The following PPA2 variants were observed in gnomAD, a reference collection of about 807,000 sequenced individuals.
PPA2 encodes inorganic pyrophosphatase 2.
A neutral mutation model predicts 49.5 loss-of-function variants in PPA2; 48 were observed. That is an observed-to-expected ratio of 0.97 (90% CI 0.77 to 1.23). The LOEUF (loss-of-function observed/expected upper bound fraction) is 1.23. PPA2 is among the 50% of genes most tolerant of loss of function. The pLI, the probability that PPA2 is intolerant of heterozygous loss-of-function variation, is 0.00. For missense variants in PPA2, 429 were observed against 410.1 expected (o/e 1.05, Z -0.40); for synonymous variants, 131 against 139.9 (o/e 0.94, Z 0.45).
chr4:105,450,173 C>G (rs1017305147), intron 3 of PPA2, among the ~76,000 whole-genome samples: 10 of 152,232 alleles, frequency 6.6e-5, no homozygotes, highest in African/African-American at 1.7e-4. Context: ...GATTTGCACA[C>G]ATTTTGACAT....
intron 7 of PPA2, among the ~76,000 whole-genome samples, chr4:105,417,323 C>A (rs961294608): frequency 6.6e-6 from 1 of 150,722 alleles, no homozygotes; most frequent in Admixed American, 6.6e-5. Context: ...TAACAGAAGA[C>A]AACAAGCTAA....
chr4:105,394,093 G>C (rs1734034127), intron 9 of PPA2, among the ~76,000 whole-genome samples: 1 of 152,124 alleles, frequency 6.6e-6, no homozygotes, highest in African/African-American at 2.4e-5. Context: ...TAGGCCAGGT[G>C]TGGTGGCTCA....
intron 6 of PPA2, among the ~76,000 whole-genome samples, chr4:105,427,697 T>C (rs990857016): frequency 6.6e-6 from 1 of 152,094 alleles, no homozygotes; most frequent in Non-Finnish European, 1.5e-5. Flanking sequence ...TATAGGACTA[T>C]GTGAAAAGAC....
chr4:105,394,193 TC>T (rs1734038561), intron 9 of PPA2, among the ~76,000 whole-genome samples: 1 of 151,526 alleles, frequency 6.6e-6, no homozygotes, highest in Non-Finnish European at 1.5e-5. Context: ...ATGGTAAAAC[TC>T]CGTCTCTACT....
At chr4:105,414,417 C>T (rs1468423687) in intron 7 of PPA2, among the ~76,000 whole-genome samples, 1 of 152,202 alleles carries the variant, frequency 6.6e-6, no homozygotes, top group South Asian at 2.1e-4. Flanking sequence ...TGGCAGGCTG[C>T]GCTCCGCTCG....
chr4:105,388,903 G>A (rs185483044), intron 9 of PPA2, among the ~76,000 whole-genome samples: 1 of 151,722 alleles, frequency 6.6e-6, no homozygotes, highest in Non-Finnish European at 1.5e-5. Flanking sequence ...AATGAACTTA[G>A]GAGATTCTTG....
At chr4:105,415,372 C>T (rs774240096) in intron 7 of PPA2, among the ~76,000 whole-genome samples, 25 of 152,218 alleles carry the variant, frequency 1.6e-4, no homozygotes, top group Non-Finnish European at 2.9e-4. Context: ...TGCTCGTCAG[C>T]GCCAAAAGTC....
At chr4:105,469,147 T>C (rs1374028537) in intron 1 of PPA2, among the ~76,000 whole-genome samples, 1 of 152,186 alleles carries the variant, frequency 6.6e-6, no homozygotes, top group Non-Finnish European at 1.5e-5. Flanking sequence ...GGATATTTAT[T>C]ATAGGGGAAA....
chr4:105,382,579 T>G (rs1733530623), intron 10 of PPA2, among the ~76,000 whole-genome samples: 2 of 152,178 alleles, frequency 1.3e-5, no homozygotes, highest in Non-Finnish European at 2.9e-5. Context: ...CTATAAATTC[T>G]CTAAGCCTTG....
intron 1 of PPA2, among the ~76,000 whole-genome samples, chr4:105,459,754 CTATTGA>C (rs1245934176): frequency 6.6e-6 from 1 of 152,178 alleles, no homozygotes; most frequent in Non-Finnish European, 1.5e-5. Context: ...AAGGAATGCA[CTATTGA>C]TACACACAAT....
At chr4:105,377,510 A>C (rs1331121637) in intron 10 of PPA2, among the ~76,000 whole-genome samples, 1 of 152,154 alleles carries the variant, frequency 6.6e-6, no homozygotes, top group Non-Finnish European at 1.5e-5. Context: ...AGATAATCTG[A>C]CTTCAGAAAA....
intron 1 of PPA2, 110 bp downstream of exon 1, chr4:105,473,784 C>T: frequency 6.8e-7 from 1 of 1,470,320 alleles, no homozygotes. Flanking sequence ...CGCTGAGGGC[C>T]CCAAAAAGAG....
chr4:105,398,830 A>G, intron 8 of PPA2: 2 of 436,634 alleles, frequency 4.6e-6, no homozygotes, highest in East Asian at 4.3e-5. Context: ...ATAGATGGAA[A>G]TATATATTTT....
intron 6 of PPA2, among the ~76,000 whole-genome samples, chr4:105,436,551 T>A (rs1291364671): frequency 6.6e-6 from 1 of 152,098 alleles, no homozygotes; most frequent in African/African-American, 2.4e-5. Context: ...AGGCATCACA[T>A]TACTCAGCAA....
chr4:105,473,321 G>T lies in PPA2; in HGVS notation c.157+573C>A, dbSNP rs187060896. 2.6e-3 allele frequency: 660 copies of T among 257,944 alleles called. 2 individuals carry two copies. Among genetic ancestry groups the T allele is most frequent in the Admixed American group, 6.4e-3 (116 of 18,148 alleles). The allele number at this position is 257,944 out of a possible 1,614,324, so 16.0% of individuals were successfully genotyped here. A position where few individuals can be genotyped will look rare whatever the true frequency, so the allele number is the denominator to read the frequency against. On this transcript the variant is annotated intron_variant, in intron 1 of 11. Transcript: ENST00000341695. ...GCTTTGGATGGTGGATCACACTCAG[G>T]GTGTAAACTTGTGCGTACCAAGTCA...
chr4:105,405,372 T>G, intron 7 of PPA2: 4 of 772,014 alleles, frequency 5.2e-6, no homozygotes, highest in Non-Finnish European at 6.3e-6. Context: ...GAATTTGTAA[T>G]TAATTTCTTA....
intron 8 of PPA2, 74 bp downstream of exon 8, chr4:105,398,963 G>A: frequency 5.3e-6 from 8 of 1,512,718 alleles, no homozygotes; most frequent in Non-Finnish European, 7.1e-6. Flanking sequence ...ATTCACATAA[G>A]AAACTTCCCA....
intron 10 of PPA2, among the ~76,000 whole-genome samples, chr4:105,372,942 T>A (rs1268551666): frequency 6.6e-6 from 1 of 152,230 alleles, no homozygotes. Context: ...GACTTTGTTT[T>A]ATTTTCTTTA....
At chr4:105,443,394 GGCTGGCTTTCATTT>G (rs897130097) in intron 5 of PPA2, among the ~76,000 whole-genome samples, 2 of 150,218 alleles carry the variant, frequency 1.3e-5, no homozygotes, top group African/African-American at 4.9e-5. Flanking sequence ...TGGGACCAGG[GGCTGGCTTTCATTT>G]TAACAGGGTC....
Sources: allele counts gnomAD v4.1 joint callset (sites outside exome capture counted in the v4.1 genomes callset), GRCh38; gene constraint gnomAD v4.1.1; transcripts MANE v1.5; gene names NCBI Gene and HGNC (gene_info 2026-07-23, HGNC 2026-07-21).